The following PDCD4 variants were observed in gnomAD, a reference collection of about 807,000 sequenced individuals.
PDCD4 encodes programmed cell death protein 4.
Under a neutral mutation model 54.0 loss-of-function variants are expected in PDCD4, and 56 were observed. That is an observed-to-expected ratio of 1.04 (90% confidence interval 0.84 to 1.30). PDCD4 has a LOEUF of 1.30. PDCD4 is among the 50% of genes most tolerant of loss of function. The pLI, the probability that PDCD4 is intolerant of heterozygous loss-of-function variation, is 0.00. For synonymous variants in PDCD4, 186 were observed against 194.8 expected (o/e 0.95, Z 0.37); for missense variants, 584 against 559.8 (o/e 1.04, Z -0.44).
rs373854738 is a variant in PDCD4, at chr10:110,888,971, C to T, written c.778-562C>T. ...GGACGTCACTTGACCTTAAATCATT[C>T]GTTTAACCCCAGCACTTTGGGAGGC... On this transcript the variant is annotated intron_variant, in intron 6 of 11. Coordinates refer to ENST00000280154, the MANE Select transcript of PDCD4 (RefSeq NM_014456.5). 3.2e-3 allele frequency among the ~76,000 whole-genome samples: 489 copies of T among 151,620 alleles called. 26 individuals carry two copies. In the South Asian group the frequency reaches 0.093, roughly 29 times the overall value.
intron 5 of PDCD4, among the ~76,000 whole-genome samples, chr10:110,886,080 T>G (rs2135206345): frequency 6.6e-6 from 1 of 152,296 alleles, no homozygotes; most frequent in South Asian, 2.1e-4. Context: ...AGACAAATAT[T>G]TGTTCAGTGC....
In PDCD4 at chr10:110,881,254, C is replaced by T; in HGVS notation, c.65C>T (p.Ser22Phe). 6 of 1,612,558 alleles carry T rather than the reference C, an allele frequency of 3.7e-6. No homozygotes were observed. The highest frequency in any genetic ancestry group is 4.2e-6 in the Non-Finnish European group (5 of 1,179,010). The stretch of plus-strand genomic sequence containing the variant: ...TAAGATCCTGATAACTTAAGTGACT[C>T]TCTCTTTTCCGGTGATGAAGAAAAT... ...NPADPDNLSD[S>F]LFSGDEENAG... Residue 22 changes from serine (S) to phenylalanine (F), a missense_variant, in exon 3 of 12, where the codon TCT (serine) becomes TTT (phenylalanine). Ser to Phe is a radical substitution (Grantham distance 155). Transcript: ENST00000280154.
intron 3 of PDCD4, 112 bp from the exon 4 acceptor site, chr10:110,882,891 C>T (rs1303235680): frequency 1.0e-5 from 7 of 692,070 alleles, no homozygotes; most frequent in African/African-American, 1.9e-5. Context: ...AAAACTAACA[C>T]GTTAAATACA....
chr10:110,895,216 C>A (rs148237194), intron 10 of PDCD4, among the ~76,000 whole-genome samples: 237 of 152,118 alleles, frequency 1.6e-3, no homozygotes, highest in South Asian at 4.4e-3. Flanking sequence ...AATTTTTCAA[C>A]TCTTGTCCTC....
At chr10:110,891,269 T>C (rs1426642041) in intron 8 of PDCD4, among the ~76,000 whole-genome samples, 1 of 151,842 alleles carries the variant, frequency 6.6e-6, no homozygotes, top group Non-Finnish European at 1.5e-5. Flanking sequence ...TAGCCAGGCA[T>C]GGTGGTGCGC....
chr10:110,894,925 AT>A (rs1204864325), intron 10 of PDCD4, among the ~76,000 whole-genome samples: 1 of 151,744 alleles, frequency 6.6e-6, no homozygotes, highest in Non-Finnish European at 1.5e-5. Context: ...TTTGCCTTGT[AT>A]TTTTTTAAAA....
At chr10:110,892,636 G>T (rs1382499554) in intron 8 of PDCD4, among the ~76,000 whole-genome samples, 2 of 152,180 alleles carry the variant, frequency 1.3e-5, no homozygotes, top group Non-Finnish European at 2.9e-5. Flanking sequence ...GTGTGGGATG[G>T]TGGTGGTCCC....
In PDCD4 at chr10:110,885,290, A is replaced by T; in HGVS notation, c.479A>T (p.Asp160Val). The T allele has an allele frequency of 6.3e-7, 1 of 1,595,790 alleles. No homozygotes were observed. The highest frequency in any genetic ancestry group is 8.6e-7 in the Non-Finnish European group (1 of 1,165,854). The change falls in exon 5 of 12, where the codon GAT becomes GTT. Residue 160 changes from aspartate (D) to valine (V), a missense_variant. Coordinates refer to ENST00000280154, the MANE Select transcript of PDCD4 (RefSeq NM_014456.5). ...TATGAAACTGTAGTTTTGCCTTTGG[A>T]TGAAAGGGCATTTGAGAAGACTTTA... ...CVYETVVLPLDERAFEKTLTP... is the reference protein window; with the variant it reads ...CVYETVVLPLVERAFEKTLTP...
At chr10:110,888,692 A>G (rs1330358781) in intron 6 of PDCD4, among the ~76,000 whole-genome samples, 1 of 152,128 alleles carries the variant, frequency 6.6e-6, no homozygotes, top group Non-Finnish European at 1.5e-5. Context: ...ATGCTATTTT[A>G]TAAACTTGAT....
intron 9 of PDCD4, 84 bp from the exon 10 acceptor site, chr10:110,894,328 G>A (rs915377839): frequency 7.9e-6 from 7 of 883,044 alleles, no homozygotes; most frequent in East Asian, 2.4e-5. Context: ...AAATTTCTAC[G>A]ATTACAGAAG....
chr10:110,890,695 CTT>C, intron 8 of PDCD4, 25 bp downstream of exon 8: 1 of 1,446,462 alleles, frequency 6.9e-7, no homozygotes, highest in Non-Finnish European at 9.7e-7. Flanking sequence ...TTGTTTTTAA[CTT>C]AATTTATATG....
In PDCD4 at chr10:110,881,317, A is replaced by T; in HGVS notation, c.128A>T (p.Asn43Ile). Residue 43 changes from asparagine to isoleucine, a missense_variant, in exon 3 of 12, where the codon AAT becomes ATT. By Grantham distance (149) the Asn-to-Ile change is moderately radical. Transcript: ENST00000280154. Reference sequence around the variant, plus strand: ...GAAATAAAGAATGAAATAAATGGAAATTGGATTTCAGCATCCTCCATTAAC... The same window carrying T: ...GAAATAAAGAATGAAATAAATGGAATTTGGATTTCAGCATCCTCCATTAAC... The part of the protein sequence containing the change: ...TEEIKNEING[N>I]WISASSINEA... 1.2e-6 allele frequency: 2 copies of T among 1,613,714 alleles called. No individual in the cohort carries two copies. The highest frequency in any genetic ancestry group is 4.5e-5 in the East Asian group (2 of 44,884).
At chr10:110,896,935 G>C (rs952485760) in intron 11 of PDCD4, among the ~76,000 whole-genome samples, 1 of 152,146 alleles carries the variant, frequency 6.6e-6, no homozygotes, top group Admixed American at 6.5e-5. Flanking sequence ...TAGTTTAATA[G>C]CTTTACTAGA....
At chr10:110,873,066 T>C (rs748314889) in intron 1 of PDCD4, among the ~76,000 whole-genome samples, 4 of 152,234 alleles carry the variant, frequency 2.6e-5, no homozygotes, top group Non-Finnish European at 2.9e-5. Context: ...ACGTGACTTT[T>C]TTGGGAAACC....
Position 110,892,235 on chromosome 10 carries a change from T to C in PDCD4, c.990+1565T>C, listed in dbSNP as rs893353854. 3.5e-4 allele frequency among the ~76,000 whole-genome samples: 54 copies of C among 152,184 alleles called. 1 individual carries two copies. Among genetic ancestry groups the C allele is most frequent in the Non-Finnish European group, 1.6e-4 (11 of 68,028 alleles). Reference sequence around the variant, plus strand: ...CCTAAATAAATAGAATGATATCCCATGGTTATGGATGAGGATACTTAATAT... The same window carrying C: ...CCTAAATAAATAGAATGATATCCCACGGTTATGGATGAGGATACTTAATAT... On this transcript the variant is annotated intron_variant, in intron 8 of 11. Coordinates refer to ENST00000280154, the MANE Select transcript of PDCD4 (RefSeq NM_014456.5).
chr10:110,891,966 C>T (rs1290363862), intron 8 of PDCD4, among the ~76,000 whole-genome samples: 1 of 152,082 alleles, frequency 6.6e-6, no homozygotes, highest in East Asian at 1.9e-4. Context: ...AATGAATCCA[C>T]ATTTTTTAAC....
intron 6 of PDCD4, among the ~76,000 whole-genome samples, chr10:110,888,555 GAAGA>G (rs1407060205): frequency 1.3e-5 from 2 of 152,060 alleles, no homozygotes; most frequent in Admixed American, 1.3e-4. Context: ...AAGCCAGAAA[GAAGA>G]AAGGCCAGCA....
rs558118723 is a variant in PDCD4 at position 110,888,687 on chromosome 10, A to G, written c.777+801A>G. ...AAAAATGGAATCATACCATTATGCT[A>G]TTTTATAAACTTGATTTTTCTCATA... On this transcript the variant is annotated intron_variant, in intron 6 of 11. Transcript: ENST00000280154. Among the ~76,000 whole-genome samples, 11 of 152,262 alleles carry G rather than the reference A, an allele frequency of 7.2e-5. No homozygotes were observed. In the South Asian group the frequency reaches 2.3e-3, roughly 32 times the overall value.
chr10:110,877,284 TGTG>T (rs1449565797), intron 2 of PDCD4, among the ~76,000 whole-genome samples: 1 of 152,184 alleles, frequency 6.6e-6, no homozygotes, highest in Non-Finnish European at 1.5e-5. Flanking sequence ...ACTAGCTACA[TGTG>T]GTTATTACTC....
Sources: gnomAD v4.1 joint callset for allele counts (sites outside exome capture counted in the v4.1 genomes callset) on GRCh38, gnomAD v4.1.1 for gene constraint, MANE v1.5 for transcripts, NCBI Gene and HGNC (gene_info 2026-07-23, HGNC 2026-07-21) for gene names.